Variants in MRE11 observed in about 807,000 individuals in gnomAD.
MRE11 encodes MRE11 double strand break repair nuclease, also known as double-strand break repair protein MRE11.
In MRE11, 62 loss-of-function variants were observed where a neutral mutation model predicts 91.7. The observed-to-expected ratio is 0.68, with a 90% CI of 0.55 to 0.84. MRE11 has a LOEUF of 0.84. MRE11 is among the 40% of genes least tolerant of loss of function. The pLI is 0.00. For missense variants in MRE11, 796 were observed against 852.9 expected, an observed-to-expected ratio of 0.93 and a Z score of 0.83; for synonymous variants, 273 against 271.4, an observed-to-expected ratio of 1.01 and a Z score of -0.06.
the MRE11 span, chr11:94,512,312 G>A: frequency 3.4e-5 from 14 of 406,762 alleles, 1 homozygote. Flanking sequence ...AGAAATTAAT[G>A]GAAAGTCCTT....
At chr11:94,449,066 T>C (rs1385207917) in intron 14 of MRE11, among the ~76,000 whole-genome samples, 4 of 152,180 alleles carry the variant, frequency 2.6e-5, no homozygotes, top group African/African-American at 9.7e-5. Context: ...CAGTCTCTCT[T>C]GCTTGGAATG....
At position 94,461,675 on chromosome 11, in the gene MRE11, T is replaced by C. The variant is rs183995074; in HGVS notation, c.1226-639A>G. Reference sequence around the variant, plus strand: ...TCAATTAGGAAAAGAGGAAGTCAAATTGTCCCTGTTTGCAGATGACATGAT... The same window carrying C: ...TCAATTAGGAAAAGAGGAAGTCAAACTGTCCCTGTTTGCAGATGACATGAT... On this transcript the variant is annotated intron_variant, in intron 11 of 19. Transcript: ENST00000323929. Among the ~76,000 whole-genome samples, 43 of 152,284 alleles carry C rather than the reference T, an allele frequency of 2.8e-4. No individual in the cohort carries two copies. The East Asian group carries it at 7.9e-3, about 28-fold the overall frequency.
intron 7 of MRE11, chr11:94,475,498 G>A (rs148860783): frequency 1.3e-4 from 57 of 430,442 alleles, no homozygotes; most frequent in Non-Finnish European, 2.1e-4. Flanking sequence ...CAACTTCTCC[G>A]GTGTGTCCCT....
chr11:94,439,675 T>C (rs1231301211), intron 16 of MRE11, among the ~76,000 whole-genome samples: 1 of 152,240 alleles, frequency 6.6e-6, no homozygotes, highest in Non-Finnish European at 1.5e-5. Context: ...TTAATATGCA[T>C]AGACACTGCC....
rs200848216 is a variant in MRE11, at chr11:94,418,381, AT to A, written c.*1743del. On this transcript the variant is annotated 3_prime_UTR_variant, in exon 20 of 20. Transcript: ENST00000323929. The stretch of plus-strand genomic sequence containing the variant: ...GTACCTCTTTTCACAGCCAAGAGCA[AT>A]TTTTTTTTTTTTAAGGAAAAAAACT... 0.016 allele frequency: 3,395 copies of A among 208,852 alleles called. No homozygotes were observed. Among genetic ancestry groups the A allele is most frequent in the Middle Eastern group, 0.043 (28 of 648 alleles). 12.9% of individuals were successfully genotyped at this position (208,852 alleles called of 1,614,324 possible). A position where few individuals can be genotyped will look rare whatever the true frequency, so the allele number is the denominator to read the frequency against.
upstream of MRE11, chr11:94,498,421 G>A: frequency 6.2e-7 from 1 of 1,613,604 alleles, no homozygotes; most frequent in African/African-American, 1.3e-5. Flanking sequence ...TCAAACCAGG[G>A]CTGAAAAACA....
chr11:94,482,119 A>T (rs1591712479), intron 4 of MRE11, among the ~76,000 whole-genome samples: 1 of 152,232 alleles, frequency 6.6e-6, no homozygotes, highest in East Asian at 1.9e-4. Flanking sequence ...GCTAAATAAG[A>T]CTGCAACATG....
chr11:94,478,071 G>C (rs1238342400), intron 6 of MRE11, among the ~76,000 whole-genome samples: 2 of 152,170 alleles, frequency 1.3e-5, no homozygotes, highest in South Asian at 2.1e-4. Flanking sequence ...TGGAGACAGA[G>C]TCCAGTTAAG....
At chr11:94,461,438 G>A (rs763262089) in intron 11 of MRE11, among the ~76,000 whole-genome samples, 49 of 152,284 alleles carry the variant, frequency 3.2e-4, no homozygotes, top group Non-Finnish European at 4.0e-4. Flanking sequence ...GCCTTGTGAC[G>A]TCAAGGTAGT....
chr11:94,504,526 T>C, the MRE11 span, among the ~76,000 whole-genome samples: 1 of 152,368 alleles, frequency 6.6e-6, no homozygotes, highest in South Asian at 2.1e-4. Context: ...TTTGGCAGGA[T>C]TCAAGAAATT....
chr11:94,434,073 T>C (rs1278950492), intron 18 of MRE11, among the ~76,000 whole-genome samples: 3 of 152,190 alleles, frequency 2.0e-5, no homozygotes, highest in South Asian at 4.2e-4. Flanking sequence ...CCCAGGAAGA[T>C]ACTGGCACGT....
At chr11:94,436,241 C>T (rs1945609938) in intron 17 of MRE11, among the ~76,000 whole-genome samples, 1 of 152,090 alleles carries the variant, frequency 6.6e-6, no homozygotes. Context: ...ATCAGTGTTC[C>T]ATCTCCAACT....
intron 17 of MRE11, among the ~76,000 whole-genome samples, chr11:94,436,447 T>G (rs1945616890): frequency 6.6e-6 from 1 of 152,188 alleles, no homozygotes; most frequent in African/African-American, 2.4e-5. Flanking sequence ...TCATCTAACT[T>G]AAGTACAGAT....
At chr11:94,486,868 A>G (rs985686152) in intron 3 of MRE11, among the ~76,000 whole-genome samples, 6 of 152,218 alleles carry the variant, frequency 3.9e-5, no homozygotes, top group African/African-American at 1.2e-4. Flanking sequence ...AATCATACAG[A>G]AAAAGTCTAA....
upstream of MRE11, chr11:94,498,001 C>T: frequency 8.2e-7 from 1 of 1,223,276 alleles, no homozygotes; most frequent in South Asian, 1.5e-5. Flanking sequence ...TCTAACACCA[C>T]AAGACAATTT....
rs563482015 is a variant in MRE11 at position 94,436,166 on chromosome 11, G to T, written c.1927-267C>A. 2.0e-5 allele frequency among the ~76,000 whole-genome samples: 3 copies of T among 152,242 alleles called. No individual in the cohort carries two copies. In the East Asian group the frequency reaches 5.8e-4, roughly 29 times the overall value. On this transcript the variant is annotated intron_variant, in intron 17 of 19. Transcript: ENST00000323929. ...AGGGAACACAGTTACACTGGTGAAT[G>T]ACTTGCATAGGCTCATATGCAGACC...
intron 6 of MRE11, among the ~76,000 whole-genome samples, chr11:94,477,396 C>T (rs1259866851): frequency 6.6e-6 from 1 of 151,914 alleles, no homozygotes; most frequent in African/African-American, 2.4e-5. Flanking sequence ...AACAAGTCAA[C>T]AAAATAGTTA....
Position 94,435,829 on chromosome 11 carries a change from T to G in MRE11, c.1994+3A>C, listed in dbSNP as rs939310557. 2 of 1,611,646 alleles carry G rather than the reference T, an allele frequency of 1.2e-6. No homozygotes were observed. The highest frequency in any genetic ancestry group is 1.7e-6 in the Non-Finnish European group (2 of 1,178,114). The stretch of plus-strand genomic sequence containing the variant: ...TTCTTTTGCAGAAAATCACTGCACC[T>G]ACCTTTGATCTGTCTTTGAAGTGGT... On this transcript the variant is annotated splice_donor_region_variant and intron_variant, in intron 18 of 19. Coordinates refer to ENST00000323929, the MANE Select transcript of MRE11 (RefSeq NM_005591.4).
At chr11:94,487,944 G>T (rs1388740508) in intron 3 of MRE11, among the ~76,000 whole-genome samples, 3 of 152,172 alleles carry the variant, frequency 2.0e-5, no homozygotes, top group African/African-American at 7.2e-5. Flanking sequence ...CATAATAAGG[G>T]ACTTAAAAGT....
Sources: gnomAD v4.1 joint callset for allele counts (sites outside exome capture counted in the v4.1 genomes callset) on GRCh38, gnomAD v4.1.1 for gene constraint, MANE v1.5 for transcripts, NCBI Gene and HGNC (gene_info 2026-07-23, HGNC 2026-07-21) for gene names.